The following NCR1 variants were observed in gnomAD, a reference collection of about 807,000 sequenced individuals.
NCR1 encodes the protein NK cell-activating receptor.
In NCR1, 30 loss-of-function variants were observed where a neutral mutation model predicts 32.5. That is an observed-to-expected ratio of 0.92 (90% CI 0.69 to 1.25). The LOEUF (loss-of-function observed/expected upper bound fraction) is 1.25, where lower values mean the gene tolerates loss of function less well. Among genes scored for constraint, NCR1 ranks in the 50% most tolerant of loss-of-function variants. NCR1 has a pLI of 0.00. For missense variants in NCR1, 369 were observed against 380.7 expected, an observed-to-expected ratio of 0.97 and a Z score of 0.26; for synonymous variants, 169 against 143.4, an observed-to-expected ratio of 1.18 and a Z score of -1.28.
chr19:54,907,602 C>A (rs2067703037), intron 3 of NCR1, among the ~76,000 whole-genome samples: 1 of 150,736 alleles, frequency 6.6e-6, no homozygotes, highest in Non-Finnish European at 1.5e-5. Context: ...ACCAGCAACA[C>A]CAAAAACACA....
At chr19:54,933,853 T>G in the NCR1 span, 1 of 915,360 alleles carries the variant, frequency 1.1e-6, no homozygotes, top group Non-Finnish European at 1.8e-6. Context: ...GTTCATCCCC[T>G]GCCCTCTGTC....
intron 5 of NCR1, 97 bp from the exon 6 acceptor site, chr19:54,912,071 T>G: frequency 6.4e-6 from 7 of 1,090,936 alleles, no homozygotes; most frequent in Non-Finnish European, 9.9e-6. Context: ...TGGGACCTTG[T>G]AAAGCTGCAG....
At chr19:54,929,324 C>T in the NCR1 span, among the ~76,000 whole-genome samples, 1 of 152,032 alleles carries the variant, frequency 6.6e-6, no homozygotes, top group Non-Finnish European at 1.5e-5. Flanking sequence ...AAGATCGCAC[C>T]ACTGCACTCC....
At chr19:54,912,046 A>G in intron 5 of NCR1, 122 bp from the exon 6 acceptor site, 1 of 818,612 alleles carries the variant, frequency 1.2e-6, no homozygotes, top group Non-Finnish European at 2.1e-6. Flanking sequence ...AGCTCCTGGG[A>G]CCCGCAGGGT....
chr19:54,912,113 G>A (rs2068003854), intron 5 of NCR1, 55 bp from the exon 6 acceptor site: 7 of 1,456,702 alleles, frequency 4.8e-6, no homozygotes, highest in Non-Finnish European at 6.7e-6. Context: ...GGGAAGGAGT[G>A]CTGGGGTGGA....
At chr19:54,909,639 T>G in intron 4 of NCR1, 116 bp downstream of exon 4, 1 of 1,292,768 alleles carries the variant, frequency 7.7e-7, no homozygotes, top group Non-Finnish European at 1.0e-6. Context: ...CCTGGGTGCC[T>G]GGTTGGTCAT....
At chr19:54,901,866 G>A (rs1288376823), upstream of NCR1, among the ~76,000 whole-genome samples, 2 of 152,180 alleles carry the variant, frequency 1.3e-5, no homozygotes, top group Non-Finnish European at 2.9e-5. Context: ...TACTCAGGAA[G>A]CTGAGGCAAG....
At chr19:54,910,967 A>G (rs1207253865) in intron 5 of NCR1, among the ~76,000 whole-genome samples, 1 of 152,192 alleles carries the variant, frequency 6.6e-6, no homozygotes, top group Non-Finnish European at 1.5e-5. Context: ...TAACTGGGGT[A>G]ATACAATAAT....
the NCR1 span, among the ~76,000 whole-genome samples, chr19:54,925,577 A>G: frequency 6.6e-6 from 1 of 152,144 alleles, no homozygotes; most frequent in African/African-American, 2.4e-5. Context: ...AGGCCAAGAC[A>G]GGAGGATCGT....
chr19:54,903,320 GTATATATACATGTATGTATATACATA>G (rs2067338507), upstream of NCR1, among the ~76,000 whole-genome samples: 1 of 123,022 alleles, frequency 8.1e-6, no homozygotes, highest in African/African-American at 3.4e-5. Flanking sequence ...ATACATACAT[GTATATATACATGTATGTATATACATA>G]TATGCATATA....
chr19:54,906,488 C>T (rs777243595), intron 2 of NCR1, 35 bp from the exon 3 acceptor site: 4 of 1,599,696 alleles, frequency 2.5e-6, no homozygotes, highest in Non-Finnish European at 2.5e-6. Context: ...GGGGAGGGGG[C>T]TCCGCTGGAA....
chr19:54,907,534 T>C (rs2067700079), intron 3 of NCR1, among the ~76,000 whole-genome samples: 1 of 150,696 alleles, frequency 6.6e-6, no homozygotes, highest in Admixed American at 6.6e-5. Flanking sequence ...TATCAAGTAT[T>C]ATACATAGTT....
downstream of NCR1, among the ~76,000 whole-genome samples, chr19:54,919,189 C>T (rs965586476): frequency 4.0e-5 from 6 of 151,830 alleles, no homozygotes; most frequent in East Asian, 3.9e-4. Context: ...TGTGCGGCGA[C>T]GAGAGAGTGT....
Position 54,909,334 on chromosome 19 carries a change from G to A in NCR1, c.445G>A (p.Ala149Thr), listed in dbSNP as rs748467854. The A allele has an allele frequency of 1.9e-6, 3 of 1,614,094 alleles. No homozygotes were observed. Among genetic ancestry groups the A allele is most frequent in the Non-Finnish European group, 2.5e-6 (3 of 1,180,020 alleles). ...KVTFYCRLDT[A>T]TSMFLLLKEG... Reference sequence around the variant, plus strand: ...GACCTTCTACTGCCGTCTAGACACTGCAACAAGCATGTTCTTACTGCTCAA... The same window carrying A: ...GACCTTCTACTGCCGTCTAGACACTACAACAAGCATGTTCTTACTGCTCAA... Residue 149 changes from alanine (A) to threonine (T), a missense_variant, in exon 4 of 7, where the codon GCA becomes ACA. Physicochemically the swap from Ala to Thr is moderately conservative, Grantham distance 58 (BLOSUM62 0). Transcript: ENST00000291890.
the NCR1 span, chr19:54,927,544 C>A: frequency 1.3e-6 from 2 of 1,534,866 alleles, no homozygotes; most frequent in East Asian, 2.3e-5. Flanking sequence ...TGACAGAGCA[C>A]GACTCCATCT....
upstream of NCR1, among the ~76,000 whole-genome samples, chr19:54,904,642 C>A (rs772281737): frequency 5.3e-5 from 8 of 151,232 alleles, no homozygotes; most frequent in Non-Finnish European, 8.8e-5. Context: ...AAGCAATTCT[C>A]CTGCCTCAGC....
At chr19:54,924,406 T>C in the NCR1 span, among the ~76,000 whole-genome samples, 1 of 152,160 alleles carries the variant, frequency 6.6e-6, no homozygotes, top group Admixed American at 6.6e-5. Flanking sequence ...GCAGATTGCT[T>C]GAGCTCCGCA....
chr19:54,934,221 A>G, the NCR1 span, among the ~76,000 whole-genome samples: 2 of 152,134 alleles, frequency 1.3e-5, no homozygotes, highest in Admixed American at 1.3e-4. This position sits in a 1 kb window ranked among gnomAD's most constrained non-coding sequence, Gnocchi z 6.7. Flanking sequence ...GATTACAGGC[A>G]TGAGCCACCG....
rs754367043 is a variant in NCR1, at chr19:54,910,032, A to ACCAGCC, written c.650_655dup (p.Ser218_Leu219insProSer). ...TCCTTTTCCAGGCGACATTGAGAAC[A>ACCAGCC]CCAGCCTTGCACCTGAAGACCCCAC... is the stretch of plus-strand genomic sequence containing the variant. On this transcript the variant is annotated inframe_insertion, in exon 5 of 7. Coordinates refer to ENST00000291890, the MANE Select transcript of NCR1 (RefSeq NM_004829.7). The ACCAGCC allele has an allele frequency of 2.5e-6, 4 of 1,613,328 alleles. No individual in the cohort carries two copies. In the South Asian group the frequency reaches 4.4e-5, roughly 18 times the overall value.
Sources: gnomAD v4.1 joint callset for allele counts (sites outside exome capture counted in the v4.1 genomes callset) on GRCh38, gnomAD v4.1.1 for gene constraint, Gnocchi (gnomAD v3.1) non-coding constraint, MANE v1.5 for transcripts, NCBI Gene and HGNC (gene_info 2026-07-23, HGNC 2026-07-21) for gene names.